Variants in INSYN2B observed in about 807,000 individuals in gnomAD.
The protein encoded by INSYN2B is inhibitory synaptic factor family member 2B.
A neutral mutation model predicts 41.2 loss-of-function variants in INSYN2B; 16 were observed. That is an observed-to-expected ratio of 0.39 (90% CI 0.26 to 0.59). The LOEUF is 0.59. Among genes scored for constraint, INSYN2B ranks in the 20% least tolerant of loss-of-function variants. The pLI, the probability that INSYN2B is intolerant of heterozygous loss-of-function variation, is 0.57. For synonymous variants in INSYN2B, 245 were observed against 244.4 expected (o/e 1.00, Z -0.02); for missense variants, 608 against 646.4 (o/e 0.94, Z 0.64).
intron 1 of INSYN2B, among the ~76,000 whole-genome samples, chr5:169,896,534 T>G (rs930899734): frequency 2.6e-5 from 4 of 152,258 alleles, no homozygotes; most frequent in African/African-American, 9.6e-5. Context: ...CTTAAGAAGC[T>G]GGCTGTAAGA....
At chr5:169,942,787 A>G (rs1776293241) in intron 1 of INSYN2B, among the ~76,000 whole-genome samples, 1 of 152,196 alleles carries the variant, frequency 6.6e-6, no homozygotes, top group Non-Finnish European at 1.5e-5. Context: ...TCAAAGGTTA[A>G]CTGTCAGGAA....
At chr5:169,977,398 C>G (rs1002775948) in intron 1 of INSYN2B, among the ~76,000 whole-genome samples, 1 of 152,196 alleles carries the variant, frequency 6.6e-6, no homozygotes, top group Non-Finnish European at 1.5e-5. Flanking sequence ...CTTCTCTGGA[C>G]TTGAGTCAGC....
intron 1 of INSYN2B, among the ~76,000 whole-genome samples, chr5:169,924,106 A>G (rs1370938715): frequency 6.6e-6 from 1 of 152,148 alleles, no homozygotes; most frequent in African/African-American, 2.4e-5. Flanking sequence ...TGCCCCCTGG[A>G]ATCCAGAGGC....
intron 1 of INSYN2B, among the ~76,000 whole-genome samples, chr5:169,901,601 G>A (rs944111647): frequency 7.2e-5 from 11 of 152,302 alleles, no homozygotes; most frequent in African/African-American, 1.2e-4. Context: ...CATGATGATG[G>A]CAAGGTGGTA....
At chr5:169,942,975 C>T (rs966660935) in intron 1 of INSYN2B, among the ~76,000 whole-genome samples, 4 of 152,164 alleles carry the variant, frequency 2.6e-5, no homozygotes, top group Non-Finnish European at 4.4e-5. Flanking sequence ...CCTGGCAAAT[C>T]GTATGCGTGG....
intron 1 of INSYN2B, among the ~76,000 whole-genome samples, chr5:169,961,713 C>T (rs531835248): frequency 3.9e-5 from 6 of 152,066 alleles, no homozygotes; most frequent in Non-Finnish European, 7.4e-5. Flanking sequence ...TGCAGTGGCT[C>T]ACGCCCGTAA....
intron 1 of INSYN2B, among the ~76,000 whole-genome samples, chr5:169,964,763 C>T (rs1777233395): frequency 6.6e-6 from 1 of 152,228 alleles, no homozygotes; most frequent in Admixed American, 6.5e-5. Flanking sequence ...CTGCTTCTCC[C>T]CTCGGAGCAA....
intron 1 of INSYN2B, among the ~76,000 whole-genome samples, chr5:169,949,899 G>C (rs543440267): frequency 6.6e-6 from 1 of 152,026 alleles, no homozygotes; most frequent in African/African-American, 2.4e-5. Context: ...GCTCATATCA[G>C]TTAGTAACTC....
intron 1 of INSYN2B, among the ~76,000 whole-genome samples, chr5:169,959,140 C>A (rs1037176788): frequency 1.3e-5 from 2 of 152,108 alleles, no homozygotes; most frequent in African/African-American, 4.8e-5. Context: ...TGCCTGTAAT[C>A]CCAGCACTTT....
In INSYN2B at chr5:169,974,945, A is replaced by G. The variant is rs555200579; in HGVS notation, c.-919+5332T>C. Among the ~76,000 whole-genome samples, 3 of 152,208 alleles carry G rather than the reference A, an allele frequency of 2.0e-5. No individual in the cohort carries two copies. The South Asian group carries it at 6.2e-4, about 32-fold the overall frequency. On this transcript the variant is annotated intron_variant, in intron 1 of 3. Coordinates refer to ENST00000377365, the MANE Select transcript of INSYN2B (RefSeq NM_001129891.3). ...CTGAATGATAACCCCTCTCCTGGCA[A>G]GCAGGCTTCTCAGGTAGGCCCCCAG...
intron 1 of INSYN2B, among the ~76,000 whole-genome samples, chr5:169,972,597 T>C (rs1024848067): frequency 1.4e-4 from 19 of 135,410 alleles, no homozygotes; most frequent in Non-Finnish European, 2.6e-4. Context: ...GATAGATAGA[T>C]AGATAGATAG....
chr5:169,936,706 G>A (rs1056422725), intron 1 of INSYN2B, among the ~76,000 whole-genome samples: 4 of 151,526 alleles, frequency 2.6e-5, no homozygotes, highest in Middle Eastern at 6.9e-3. Context: ...TGGGGGGCGC[G>A]CTCCAGCCTA....
chr5:169,905,490 G>A (rs991528794), intron 1 of INSYN2B, among the ~76,000 whole-genome samples: 3 of 152,174 alleles, frequency 2.0e-5, no homozygotes, highest in African/African-American at 4.8e-5. Flanking sequence ...TAAATAGCTC[G>A]AGGCTGCCAG....
chr5:169,929,741 CAAAAAAAAAA>C (rs1211612989), intron 1 of INSYN2B, among the ~76,000 whole-genome samples: 1 of 62,960 alleles, frequency 1.6e-5, no homozygotes, highest in African/African-American at 5.5e-5. Flanking sequence ...GACCCTGTCT[CAAAAAAAAAA>C]AAAAAAAAAA....
At chr5:169,865,371 C>G (rs930674606) in intron 3 of INSYN2B, among the ~76,000 whole-genome samples, 1 of 152,162 alleles carries the variant, frequency 6.6e-6, no homozygotes, top group African/African-American at 2.4e-5. Flanking sequence ...GGTGCTGATG[C>G]TGTCTGTGAC....
At chr5:169,968,186 C>A (rs1291592241) in intron 1 of INSYN2B, among the ~76,000 whole-genome samples, 1 of 152,200 alleles carries the variant, frequency 6.6e-6, no homozygotes, top group East Asian at 1.9e-4. Context: ...GACAGCTTGA[C>A]CCCAATCATG....
intron 3 of INSYN2B, among the ~76,000 whole-genome samples, chr5:169,878,016 C>G (rs930305102): frequency 1.3e-5 from 2 of 152,178 alleles, no homozygotes; most frequent in African/African-American, 4.8e-5. Flanking sequence ...CAACTGAAAC[C>G]AAGCAGTTTT....
intron 1 of INSYN2B, among the ~76,000 whole-genome samples, chr5:169,904,635 T>C (rs1007396115): frequency 6.6e-6 from 1 of 152,162 alleles, no homozygotes; most frequent in Non-Finnish European, 1.5e-5. Flanking sequence ...CCTCTCCCCC[T>C]AGTGAGGGCC....
At chr5:169,918,888 C>T (rs931902839) in intron 1 of INSYN2B, among the ~76,000 whole-genome samples, 7 of 151,994 alleles carry the variant, frequency 4.6e-5, no homozygotes, top group East Asian at 1.9e-4. Flanking sequence ...CCAGCCCGGA[C>T]GACAGAGCAA....
Sources: allele counts gnomAD v4.1 joint callset (sites outside exome capture counted in the v4.1 genomes callset), GRCh38; gene constraint gnomAD v4.1.1; transcripts MANE v1.5; gene names NCBI Gene and HGNC (gene_info 2026-07-23, HGNC 2026-07-21).